The following PYY variants were observed in gnomAD, a reference collection of about 807,000 sequenced individuals.
PYY encodes peptide tyrosine tyrosine.
In PYY, 12 loss-of-function variants were observed where a neutral mutation model predicts 10.3. The observed-to-expected ratio is 1.17, with a 90% CI of 0.75 to 1.89. The LOEUF is 1.89. PYY is among the 40% of genes most tolerant of loss of function. The pLI is 0.00. For missense variants in PYY, 141 were observed against 134.0 expected (o/e 1.05, Z -0.26); for synonymous variants, 66 against 62.0 (o/e 1.06, Z -0.30).
At chr17:43,972,964 C>T (rs1302744580) in intron 1 of PYY, among the ~76,000 whole-genome samples, 2 of 152,080 alleles carry the variant, frequency 1.3e-5, no homozygotes, top group African/African-American at 4.8e-5. Context: ...CCGCCCGCCT[C>T]AGCCTCCCAA....
chr17:43,964,344 T>C (rs756606238), intron 2 of PYY, among the ~76,000 whole-genome samples: 8 of 152,218 alleles, frequency 5.3e-5, no homozygotes, highest in Non-Finnish European at 1.2e-4. Flanking sequence ...CAGGGAATAT[T>C]ATGCCCATAA....
upstream of PYY, among the ~76,000 whole-genome samples, chr17:43,954,604 G>A (rs2143887594): frequency 6.6e-6 from 1 of 152,302 alleles, no homozygotes; most frequent in South Asian, 2.1e-4. Flanking sequence ...CTCCCCGCCA[G>A]AAGCAGCTGA....
chr17:43,962,552 C>T (rs574332795), intron 2 of PYY, among the ~76,000 whole-genome samples: 3 of 152,314 alleles, frequency 2.0e-5, no homozygotes, highest in South Asian at 2.1e-4. Flanking sequence ...TTCTTGACCA[C>T]GTGAATGAAG....
upstream of PYY, among the ~76,000 whole-genome samples, chr17:43,956,853 C>G (rs1260687849): frequency 6.6e-6 from 1 of 152,216 alleles, no homozygotes; most frequent in Non-Finnish European, 1.5e-5. Flanking sequence ...TGCTTTCCAC[C>G]CTCAGGCATT....
In PYY at chr17:43,991,582, C is replaced by T. The variant is rs552415151; in HGVS notation, c.-463+12809G>A. Reference sequence around the variant, plus strand: ...TTCCTTTTGCTTCTCCATGCTTCCTCTCCCCACAACATACGTCTTCCTGAA... The same window carrying T: ...TTCCTTTTGCTTCTCCATGCTTCCTTTCCCCACAACATACGTCTTCCTGAA... On this transcript the variant is annotated intron_variant, in intron 1 of 6. Transcript: ENST00000360085. 9.2e-5 allele frequency among the ~76,000 whole-genome samples: 14 copies of T among 152,326 alleles called. No homozygotes were observed. In the East Asian group the frequency reaches 1.5e-3, roughly 17 times the overall value.
upstream of PYY, among the ~76,000 whole-genome samples, chr17:43,957,764 C>T (rs1012952316): frequency 2.0e-5 from 3 of 151,946 alleles, no homozygotes; most frequent in South Asian, 4.1e-4. Context: ...TTTCCCAGTG[C>T]GCTGGGAGAC....
chr17:43,997,919 A>G (rs2049001592), intron 1 of PYY, among the ~76,000 whole-genome samples: 1 of 151,972 alleles, frequency 6.6e-6, no homozygotes, highest in Admixed American at 6.6e-5. Flanking sequence ...AAAAAAATCA[A>G]GAATGACCAT....
chr17:43,974,035 G>A (rs1355789841), intron 1 of PYY, among the ~76,000 whole-genome samples: 1 of 152,080 alleles, frequency 6.6e-6, no homozygotes, highest in Non-Finnish European at 1.5e-5. Flanking sequence ...TCCCAGTCTG[G>A]TGGTGAATCC....
intron 2 of PYY, among the ~76,000 whole-genome samples, chr17:43,963,629 AAAG>A (rs2048734291): frequency 1.4e-5 from 2 of 147,284 alleles, no homozygotes; most frequent in South Asian, 2.2e-4. Context: ...AAAGAAAGAG[AAAG>A]AAAGAAAAGA....
chr17:43,997,973 C>G (rs552520098), intron 1 of PYY, among the ~76,000 whole-genome samples: 3 of 152,122 alleles, frequency 2.0e-5, no homozygotes, highest in Non-Finnish European at 4.4e-5. Flanking sequence ...GAGTCTCACT[C>G]TGTCGCCCAG....
chr17:43,991,925 CCTGA>C (rs1462993344), intron 1 of PYY, among the ~76,000 whole-genome samples: 1 of 150,896 alleles, frequency 6.6e-6, no homozygotes, highest in African/African-American at 2.4e-5. Flanking sequence ...TGGAGACTAC[CCTGA>C]CTAACACGGT....
chr17:43,958,107 G>A (rs1303389483), upstream of PYY: 5 of 98,224 alleles, frequency 5.1e-5, no homozygotes, highest in East Asian at 5.2e-4. Flanking sequence ...TTCATCCACC[G>A]TAGCTTGAAA....
intron 1 of PYY, among the ~76,000 whole-genome samples, chr17:43,996,255 C>T (rs1160435375): frequency 1.3e-5 from 2 of 152,180 alleles, no homozygotes; most frequent in East Asian, 3.9e-4. Flanking sequence ...AGAGAGACCA[C>T]TCTGAGACTA....
upstream of PYY, among the ~76,000 whole-genome samples, chr17:43,956,887 A>T (rs910109480): frequency 6.6e-6 from 1 of 151,700 alleles, no homozygotes; most frequent in Non-Finnish European, 1.5e-5. Context: ...GGTCCTAGAG[A>T]TAGCAGGTTG....
intron 1 of PYY, among the ~76,000 whole-genome samples, chr17:43,975,684 A>C (rs2048823867): frequency 6.7e-6 from 1 of 148,452 alleles, no homozygotes; most frequent in Non-Finnish European, 1.5e-5. Flanking sequence ...ATACCACTGC[A>C]CTCCAGCCTG....
intron 1 of PYY, among the ~76,000 whole-genome samples, chr17:44,000,823 G>A (rs1160148533): frequency 1.3e-5 from 2 of 152,170 alleles, no homozygotes; most frequent in Admixed American, 1.3e-4. Flanking sequence ...CCAAAGTGCT[G>A]GGATTATAGG....
At chr17:43,995,774 C>T (rs1000797748) in intron 1 of PYY, among the ~76,000 whole-genome samples, 3 of 141,296 alleles carry the variant, frequency 2.1e-5, no homozygotes, top group African/African-American at 5.2e-5. Context: ...GCAGAGGTTG[C>T]GGTGAGCTGA....
chr17:43,971,569 CA>C (rs376423274), intron 1 of PYY, among the ~76,000 whole-genome samples: 3,170 of 105,150 alleles, frequency 0.03, 96 homozygotes, highest in African/African-American at 0.1. Flanking sequence ...GGCTCTGTCT[CA>C]AAAAAAAAAA....
chr17:43,995,119 A>G (rs2048982606), intron 1 of PYY, among the ~76,000 whole-genome samples: 1 of 152,080 alleles, frequency 6.6e-6, no homozygotes, highest in Non-Finnish European at 1.5e-5. Flanking sequence ...TGGGGCGCAA[A>G]GTGGAATCCC....
Sources: gnomAD v4.1 joint callset for allele counts (sites outside exome capture counted in the v4.1 genomes callset) on GRCh38, gnomAD v4.1.1 for gene constraint, MANE v1.5 for transcripts, NCBI Gene and HGNC (gene_info 2026-07-23, HGNC 2026-07-21) for gene names.